Variants in PTTG1IP observed in about 807,000 individuals in gnomAD.
PTTG1IP encodes the protein PTTG1 interacting protein.
In PTTG1IP, 16 loss-of-function variants were observed where a neutral mutation model predicts 24.4. The observed-to-expected ratio is 0.66, with a 90% confidence interval of 0.44 to 1.00. The LOEUF (loss-of-function observed/expected upper bound fraction) is 1.00. Ranked by LOEUF, PTTG1IP falls within the 50% of genes least tolerant of loss-of-function variation. The pLI is 0.00. For missense variants in PTTG1IP, 241 were observed against 245.8 expected (o/e 0.98, Z 0.13); for synonymous variants, 89 against 96.8 (o/e 0.92, Z 0.47).
chr21:44,853,173 CGTGTGCGT>C (rs1196447173), intron 5 of PTTG1IP, among the ~76,000 whole-genome samples: 4 of 151,948 alleles, frequency 2.6e-5, no homozygotes, highest in African/African-American at 4.8e-5. Flanking sequence ...CGTGTGTGCG[CGTGTGCGT>C]GTGTGTGTAT....
chr21:44,858,594 C>T (rs1264888111), intron 3 of PTTG1IP, among the ~76,000 whole-genome samples: 1 of 152,220 alleles, frequency 6.6e-6, no homozygotes, highest in Non-Finnish European at 1.5e-5. Flanking sequence ...GAGCCCTGTT[C>T]CCCTGCGGGA....
chr21:44,873,299 C>A (rs1318308243), intron 1 of PTTG1IP, among the ~76,000 whole-genome samples: 2 of 152,178 alleles, frequency 1.3e-5, no homozygotes, highest in African/African-American at 4.8e-5. Context: ...TTCCCCTGCC[C>A]GCGCCCCAGC....
chr21:44,857,359 C>T (rs1252813516), intron 3 of PTTG1IP, among the ~76,000 whole-genome samples: 1 of 152,184 alleles, frequency 6.6e-6, no homozygotes, highest in Non-Finnish European at 1.5e-5. Flanking sequence ...GTGGTGCATG[C>T]ACCTCTGGTC....
At chr21:44,854,717 T>C (rs2083435887) in intron 5 of PTTG1IP, among the ~76,000 whole-genome samples, 2 of 152,036 alleles carry the variant, frequency 1.3e-5, no homozygotes, top group Admixed American at 1.3e-4. Context: ...CTCTCCAAAA[T>C]CTCTCCAGAC....
At chr21:44,872,775 T>A in intron 1 of PTTG1IP, 1 of 152,302 alleles carries the variant, frequency 6.6e-6, no homozygotes. Context: ...CAGCTCCTCT[T>A]GGATAGGAGC....
At position 44,856,285 on chromosome 21, in the gene PTTG1IP, G is replaced by A. The variant is rs1375004178; in HGVS notation, c.357C>T (p.Cys119=). 4 of 1,614,022 alleles carry A rather than the reference G, an allele frequency of 2.5e-6. No individual in the cohort carries two copies. The highest frequency in any genetic ancestry group is 3.4e-6 in the Non-Finnish European group (4 of 1,180,020). The stretch of plus-strand genomic sequence containing the variant: ...TCCGGCTCCTCTTCCTCCTGCAGCA[G>A]CAGCAGCAGCAGATGGCAATGCCCA... ...LLLGIAICCC[C]CCRRKRSRKP... The change falls in exon 4 of 6, where the codon TGC becomes TGT. Residue 119 remains cysteine, a synonymous_variant. Coordinates refer to ENST00000330938, the MANE Select transcript of PTTG1IP (RefSeq NM_004339.4).
chr21:44,853,173 C>T (rs543361046), intron 5 of PTTG1IP, among the ~76,000 whole-genome samples: 9 of 151,948 alleles, frequency 5.9e-5, no homozygotes, highest in East Asian at 1.9e-4. Context: ...CGTGTGTGCG[C>T]GTGTGCGTGT....
Position 44,870,458 on chromosome 21 carries a change from G to A in PTTG1IP, c.115+3044C>T, listed in dbSNP as rs147354027. Among the ~76,000 whole-genome samples the A allele has an allele frequency of 3.0e-3, 440 of 147,588 alleles. 7 individuals are homozygous for A. The highest frequency in any genetic ancestry group is 1.0e-2 in the African/African-American group (399 of 39,920). On this transcript the variant is annotated intron_variant, in intron 1 of 5. Coordinates refer to ENST00000330938, the MANE Select transcript of PTTG1IP (RefSeq NM_004339.4). The stretch of plus-strand genomic sequence containing the variant: ...GGAGAATCACTTGAACCTGGGAGGC[G>A]GAGGTTGCAGTGACCTGACATCACG...
chr21:44,866,423 A>AC (rs2083539387), intron 1 of PTTG1IP, among the ~76,000 whole-genome samples: 1 of 19,800 alleles, frequency 5.1e-5, no homozygotes, highest in Non-Finnish European at 9.3e-5. Flanking sequence ...CCAATCCCAT[A>AC]ACACACACAC....
chr21:44,858,446 C>T (rs926566780), intron 3 of PTTG1IP, among the ~76,000 whole-genome samples: 3 of 152,200 alleles, frequency 2.0e-5, no homozygotes, highest in Non-Finnish European at 4.4e-5. Context: ...GCTCAGACAG[C>T]CTCTTCCTCC....
chr21:44,873,328 G>A (rs946458662), intron 1 of PTTG1IP, among the ~76,000 whole-genome samples, 174 bp downstream of exon 1: 1 of 152,120 alleles, frequency 6.6e-6, no homozygotes, highest in African/African-American at 2.4e-5. Flanking sequence ...CAGCTCCCGC[G>A]GCCGCCAAAC....
chr21:44,868,031 G>A (rs1041735970), intron 1 of PTTG1IP, among the ~76,000 whole-genome samples: 2 of 152,158 alleles, frequency 1.3e-5, no homozygotes, highest in African/African-American at 4.8e-5. Context: ...AGTCTCTAGC[G>A]ATGTGCTATT....
chr21:44,863,251 C>T (rs2083508354), intron 2 of PTTG1IP, among the ~76,000 whole-genome samples: 1 of 142,574 alleles, frequency 7.0e-6, no homozygotes, highest in Non-Finnish European at 1.6e-5. Flanking sequence ...AGCAGAGACA[C>T]AGCCCGCCAC....
chr21:44,856,865 G>T (rs186641247), intron 3 of PTTG1IP, among the ~76,000 whole-genome samples: 1 of 152,020 alleles, frequency 6.6e-6, no homozygotes, highest in African/African-American at 2.4e-5. Flanking sequence ...ACATACTGGC[G>T]GCCAGGTTCG....
chr21:44,851,310 T>C lies in PTTG1IP; in HGVS notation c.*271A>G. ...CGTGTGCAGTTAGCGTTTCACAAAC[T>C]GAGAAGAGTATAAAAAAGCCCAAAC... On this transcript the variant is annotated 3_prime_UTR_variant, in exon 6 of 6. Transcript: ENST00000330938. 1 of 1,469,386 alleles carries C rather than the reference T, an allele frequency of 6.8e-7. No homozygotes were observed. The highest frequency in any genetic ancestry group is 2.5e-5 in the East Asian group (1 of 39,916). 91.0% of individuals were successfully genotyped at this position (1,469,386 alleles called of 1,614,324 possible).
rs757127661 is a variant in PTTG1IP, at chr21:44,861,254, A to G, written c.186T>C (p.Thr62=). The G allele has an allele frequency of 3.1e-6, 5 of 1,613,610 alleles. No individual in the cohort carries two copies. In the Admixed American group the frequency reaches 5.0e-5, roughly 16 times the overall value. The change falls in exon 3 of 6, where the codon ACT becomes ACC. Residue 62 remains threonine (T), a synonymous_variant. Coordinates refer to ENST00000330938, the MANE Select transcript of PTTG1IP (RefSeq NM_004339.4). ...CTGGGTAGTCCAGACAAGCCTTGTTAGTGTTGCACCAAAGACACTGAAAGA... is the reference window on the plus strand; with the variant it reads ...CTGGGTAGTCCAGACAAGCCTTGTTGGTGTTGCACCAAAGACACTGAAAGA... ...LKNVSCLWCN[T]NKACLDYPVT... is the part of the protein sequence containing the mutation.
At chr21:44,855,976 C>T (rs556748478) in intron 4 of PTTG1IP, among the ~76,000 whole-genome samples, 67 of 152,274 alleles carry the variant, frequency 4.4e-4, no homozygotes, top group African/African-American at 1.4e-3. Context: ...GGACACCGGG[C>T]GAGGAAGCCT....
intron 2 of PTTG1IP, among the ~76,000 whole-genome samples, chr21:44,864,840 T>TTAG (rs1185465472): frequency 2.0e-5 from 3 of 152,188 alleles, no homozygotes; most frequent in Admixed American, 6.5e-5. Context: ...CCGTGGAGGC[T>TTAG]TAGGGAACTT....
intron 1 of PTTG1IP, among the ~76,000 whole-genome samples, chr21:44,866,294 C>T (rs565710631): frequency 3.1e-5 from 4 of 128,232 alleles, no homozygotes; most frequent in Non-Finnish European, 4.9e-5. Context: ...CCCCCAATCC[C>T]GTAACACACA....
Sources: allele counts gnomAD v4.1 joint callset (sites outside exome capture counted in the v4.1 genomes callset), GRCh38; gene constraint gnomAD v4.1.1; transcripts MANE v1.5; gene names NCBI Gene and HGNC (gene_info 2026-07-23, HGNC 2026-07-21).